The following DHRSX variants were observed in gnomAD, a reference collection of about 807,000 sequenced individuals.
DHRSX encodes the protein polyprenol dehydrogenase.
Under a neutral mutation model 34.0 loss-of-function variants are expected in DHRSX, and 31 were observed. The ratio of observed to expected loss-of-function variants is 0.91; its 90% confidence interval spans 0.69 to 1.23. The LOEUF is 1.23. Ranked by LOEUF, DHRSX falls within the 50% of genes most tolerant of loss-of-function variation. The pLI is 0.00. For synonymous variants in DHRSX, 201 were observed against 183.8 expected, an observed-to-expected ratio of 1.09 and a Z score of -0.76; for missense variants, 414 against 428.1, an observed-to-expected ratio of 0.97 and a Z score of 0.29.
intron 3 of DHRSX, among the ~76,000 whole-genome samples, chrX:2,312,862 T>A (rs981714669): frequency 6.6e-6 from 1 of 152,120 alleles, no homozygotes; most frequent in African/African-American, 2.4e-5. Flanking sequence ...GTCCTGCCCA[T>A]GGGCCAGATC....
intron 3 of DHRSX, among the ~76,000 whole-genome samples, chrX:2,298,618 A>ACGTACACACG (rs2041969399): frequency 7.4e-6 from 1 of 135,364 alleles, no homozygotes. Context: ...ACACACACAC[A>ACGTACACACG]CACACACACA....
chrX:2,480,049 A>G (rs1276757660), intron 1 of DHRSX, among the ~76,000 whole-genome samples: 2 of 150,862 alleles, frequency 1.3e-5, no homozygotes, highest in Non-Finnish European at 2.9e-5. Context: ...CAGCCCATCA[A>G]TGGGATACCT....
chrX:2,298,317 GTTT>G (rs529844889), intron 3 of DHRSX, among the ~76,000 whole-genome samples: 1 of 123,690 alleles, frequency 8.1e-6, no homozygotes, highest in Non-Finnish European at 1.7e-5. Flanking sequence ...CAGTTTTGGT[GTTT>G]TTTTTTTTTT....
chrX:2,383,598 T>C (rs2043238738), intron 3 of DHRSX, among the ~76,000 whole-genome samples: 1 of 152,204 alleles, frequency 6.6e-6, no homozygotes. Context: ...GATCCCACAA[T>C]GCACAAAATA....
intron 1 of DHRSX, among the ~76,000 whole-genome samples, chrX:2,492,576 A>G (rs956756092): frequency 1.3e-5 from 2 of 152,024 alleles, no homozygotes; most frequent in African/African-American, 2.4e-5. Context: ...TGGAGATGAG[A>G]TCATCCGGGA....
intron 1 of DHRSX, among the ~76,000 whole-genome samples, chrX:2,472,199 G>A (rs2044603742): frequency 6.6e-6 from 1 of 151,030 alleles, no homozygotes; most frequent in Non-Finnish European, 1.5e-5. Context: ...CGGAGGTGGA[G>A]GCCATTATCC....
At chrX:2,464,837 C>A (rs978580334) in intron 1 of DHRSX, among the ~76,000 whole-genome samples, 1 of 151,736 alleles carries the variant, frequency 6.6e-6, no homozygotes, top group Non-Finnish European at 1.5e-5. Flanking sequence ...AGCCAAGGAA[C>A]GGCCACCATG....
At chrX:2,383,098 C>CCAT (rs1213230312) in intron 3 of DHRSX, among the ~76,000 whole-genome samples, 10,406 of 151,178 alleles carry the variant, frequency 0.069, 759 homozygotes, top group African/African-American at 0.18. Flanking sequence ...ACCACCATCA[C>CCAT]CATCATCATT....
In DHRSX at chrX:2,416,186, C is replaced by A. The variant is rs184775959; in HGVS notation, c.218-7373G>T. Among the ~76,000 whole-genome samples, 128 of 151,908 alleles carry A rather than the reference C, an allele frequency of 8.4e-4. 2 individuals are homozygous for A. The East Asian group carries it at 0.021, about 25-fold the overall frequency. On this transcript the variant is annotated intron_variant, in intron 2 of 6. Coordinates refer to ENST00000334651, the MANE Select transcript of DHRSX (RefSeq NM_145177.3). ...CATCCTGACCAACACAACTAGTCCT[C>A]ATTATAGCCTAACTAAGTCTCATCA...
chrX:2,466,056 G>T (rs2044490561), intron 1 of DHRSX, among the ~76,000 whole-genome samples: 1 of 152,144 alleles, frequency 6.6e-6, no homozygotes, highest in African/African-American at 2.4e-5. Context: ...CACGACGCCT[G>T]TTACATCCAT....
chrX:2,266,959 A>G lies in DHRSX; in HGVS notation c.389-12T>C, dbSNP rs746411985. On this transcript the variant is annotated splice_polypyrimidine_tract_variant and intron_variant, in intron 4 of 6. Transcript: ENST00000334651. ...CATCATCACCCCAGCTGGACAAAAG[A>G]GAATATCAGAAGGAGTTAGACTGGG... The G allele has an allele frequency of 2.5e-6, 4 of 1,613,436 alleles. No individual in the cohort carries two copies. The highest frequency in any genetic ancestry group is 2.5e-6 in the Non-Finnish European group (3 of 1,179,518).
At chrX:2,348,634 T>C (rs1258681884) in intron 3 of DHRSX, among the ~76,000 whole-genome samples, 3 of 151,952 alleles carry the variant, frequency 2.0e-5, no homozygotes, top group Non-Finnish European at 2.9e-5. Flanking sequence ...GTCTGCTATA[T>C]TATTTTCTTG....
At chrX:2,441,536 A>C (rs2044062279) in intron 1 of DHRSX, among the ~76,000 whole-genome samples, 1 of 152,110 alleles carries the variant, frequency 6.6e-6, no homozygotes, top group African/African-American at 2.4e-5. Flanking sequence ...GCAAAACCAA[A>C]ATGTGCAGGG....
chrX:2,428,775 A>C (rs1028114163), intron 1 of DHRSX, among the ~76,000 whole-genome samples: 1 of 152,216 alleles, frequency 6.6e-6, no homozygotes, highest in Non-Finnish European at 1.5e-5. Context: ...ATAATAAAAT[A>C]AAATAAAACA....
chrX:2,484,728 C>T lies in DHRSX; in HGVS notation c.109+16089G>A, dbSNP rs187965257. Among the ~76,000 whole-genome samples, 52 of 152,128 alleles carry T rather than the reference C, an allele frequency of 3.4e-4. No homozygotes were observed. In the East Asian group the frequency reaches 8.9e-3, roughly 26 times the overall value. On this transcript the variant is annotated intron_variant, in intron 1 of 6. Coordinates refer to ENST00000334651, the MANE Select transcript of DHRSX (RefSeq NM_145177.3). ...AAATCACTGGGAAAGGACGGGGCGG[C>T]GGGCCTGAGATCACAGAGGGGAAAA...
intron 1 of DHRSX, among the ~76,000 whole-genome samples, chrX:2,450,367 C>T (rs1380374709): frequency 6.6e-6 from 1 of 152,024 alleles, no homozygotes; most frequent in Non-Finnish European, 1.5e-5. Flanking sequence ...GAGGCTGAGA[C>T]AGGAGAATCG....
intron 1 of DHRSX, among the ~76,000 whole-genome samples, chrX:2,493,534 A>G (rs1569348688): frequency 6.6e-6 from 1 of 151,584 alleles, no homozygotes; most frequent in African/African-American, 2.4e-5. Flanking sequence ...TTTCAATTCC[A>G]TTATTATTAT....
chrX:2,277,096 A>G lies in DHRSX; in HGVS notation c.389-10149T>C, dbSNP rs1334533083. Among the ~76,000 whole-genome samples the G allele has an allele frequency of 4.8e-5, 4 of 82,486 alleles. 1 individual carries two copies. Among genetic ancestry groups the G allele is most frequent in the African/African-American group, 2.5e-4 (4 of 15,912 alleles). 54.1% of individuals were successfully genotyped at this position (82,486 alleles called of 152,430 possible). On this transcript the variant is annotated intron_variant, in intron 4 of 6. Transcript: ENST00000334651. ...AAGAGAGAAAGAGAGATGGAGAGGG[A>G]ACAGGGAGAGAGAGGGAGGGCAAAC... is the stretch of plus-strand genomic sequence containing the variant.
chrX:2,463,146 T>C (rs1327382542), intron 1 of DHRSX, among the ~76,000 whole-genome samples: 1 of 152,166 alleles, frequency 6.6e-6, no homozygotes, highest in Non-Finnish European at 1.5e-5. Flanking sequence ...CTGTGAGTGA[T>C]AAATGTCTCT....
Sources: gnomAD v4.1 joint callset for allele counts (sites outside exome capture counted in the v4.1 genomes callset) on GRCh38, gnomAD v4.1.1 for gene constraint, MANE v1.5 for transcripts, NCBI Gene and HGNC (gene_info 2026-07-23, HGNC 2026-07-21) for gene names.